The following WASHC3 variants were observed in gnomAD, a reference collection of about 807,000 sequenced individuals.
The protein encoded by WASHC3 is WASH complex subunit 3.
A neutral mutation model predicts 26.1 loss-of-function variants in WASHC3; 24 were observed. The observed-to-expected ratio is 0.92, with a 90% CI of 0.66 to 1.29. The LOEUF is 1.29. Ranked by LOEUF, WASHC3 falls within the 50% of genes most tolerant of loss-of-function variation. The pLI, the probability that WASHC3 is intolerant of heterozygous loss-of-function variation, is 0.00. For missense variants in WASHC3, 214 were observed against 229.6 expected (o/e 0.93, Z 0.44); for synonymous variants, 77 against 75.7 (o/e 1.02, Z -0.09).
intron 6 of WASHC3, among the ~76,000 whole-genome samples, chr12:102,020,194 C>A (rs1876892580): frequency 6.6e-6 from 1 of 152,168 alleles, no homozygotes; most frequent in South Asian, 2.1e-4. Context: ...AATATTAAAG[C>A]CTTGCTGGGG....
chr12:102,043,803 G>A (rs1878043402), intron 4 of WASHC3: 1 of 159,232 alleles, frequency 6.3e-6, no homozygotes, highest in South Asian at 2.0e-4. Flanking sequence ...TATTTTAAAA[G>A]TACATTTCTT....
intron 2 of WASHC3, chr12:102,050,327 A>C (rs1288787539): frequency 8.9e-6 from 4 of 450,630 alleles, no homozygotes; most frequent in Non-Finnish European, 1.8e-5. Flanking sequence ...TTGAATTAAA[A>C]TAACATTCTG....
At chr12:102,056,227 CT>C (rs1353419798) in intron 2 of WASHC3, among the ~76,000 whole-genome samples, 1 of 152,160 alleles carries the variant, frequency 6.6e-6, no homozygotes, top group African/African-American at 2.4e-5. Context: ...CCTAAGATAT[CT>C]GAGCATCTGT....
chr12:102,029,621 G>A (rs1185872657), intron 5 of WASHC3, among the ~76,000 whole-genome samples: 1 of 152,104 alleles, frequency 6.6e-6, no homozygotes, highest in African/African-American at 2.4e-5. Context: ...TAGATTAGAA[G>A]GGGGAAAAAC....
intron 2 of WASHC3, among the ~76,000 whole-genome samples, chr12:102,047,166 C>A (rs886608688): frequency 2.0e-5 from 3 of 152,100 alleles, no homozygotes; most frequent in Non-Finnish European, 4.4e-5. Flanking sequence ...TTGAAACCTC[C>A]TAATCTTAAA....
chr12:102,027,110 C>A (rs1032131771), intron 5 of WASHC3, among the ~76,000 whole-genome samples: 2 of 152,140 alleles, frequency 1.3e-5, no homozygotes, highest in Non-Finnish European at 2.9e-5. Flanking sequence ...GAAACATGTA[C>A]ACATTGAGGA....
intron 2 of WASHC3, among the ~76,000 whole-genome samples, chr12:102,046,936 G>T (rs556284639): frequency 6.6e-6 from 1 of 152,096 alleles, no homozygotes; most frequent in South Asian, 2.1e-4. Context: ...AAAAATAAAG[G>T]GGAATGGAAT....
At position 102,019,299 on chromosome 12, in the gene WASHC3, G is replaced by A. The variant is rs981383871; in HGVS notation, c.501-6107C>T. The A allele has an allele frequency of 3.0e-5, 9 of 300,306 alleles. No homozygotes were observed. The Admixed American group carries it at 3.7e-4, about 12-fold the overall frequency. 18.6% of individuals were successfully genotyped at this position (300,306 alleles called of 1,614,324 possible). The stretch of plus-strand genomic sequence containing the variant: ...CACAGCAATACCATCATTTCCAGGC[G>A]GGATATTCATATTTTCAAGGGGAAC... On this transcript the variant is annotated intron_variant, in intron 6 of 6. Coordinates refer to ENST00000240079, the MANE Select transcript of WASHC3 (RefSeq NM_016053.4).
chr12:102,019,558 A>T (rs1876862566), intron 6 of WASHC3, among the ~76,000 whole-genome samples: 1 of 152,200 alleles, frequency 6.6e-6, no homozygotes, highest in Non-Finnish European at 1.5e-5. Context: ...AAAAGATTAC[A>T]TCAACAAAAT....
intron 5 of WASHC3, among the ~76,000 whole-genome samples, chr12:102,035,006 G>A (rs1877594821): frequency 6.6e-6 from 1 of 151,998 alleles, no homozygotes; most frequent in African/African-American, 2.4e-5. Flanking sequence ...TTGAACATGA[G>A]ATAAAGAAAC....
At chr12:102,017,272 A>G (rs565605212) in intron 6 of WASHC3, among the ~76,000 whole-genome samples, 1 of 152,086 alleles carries the variant, frequency 6.6e-6, no homozygotes, top group Non-Finnish European at 1.5e-5. Context: ...AGTACACTCT[A>G]TGACGTTTGC....
At chr12:102,058,710 C>T (rs1878688035) in intron 2 of WASHC3, among the ~76,000 whole-genome samples, 1 of 151,976 alleles carries the variant, frequency 6.6e-6, no homozygotes, top group South Asian at 2.1e-4. Context: ...GGGTATATAT[C>T]CAAAGGATGT....
chr12:102,053,809 C>T (rs1011627512), intron 2 of WASHC3, among the ~76,000 whole-genome samples: 3 of 152,044 alleles, frequency 2.0e-5, no homozygotes, highest in South Asian at 4.2e-4. Context: ...TCAGAATATT[C>T]TAATACTGTC....
At position 102,055,178 on chromosome 12, in the gene WASHC3, G is replaced by A. The variant is rs550346667; in HGVS notation, c.150+6070C>T. On this transcript the variant is annotated intron_variant, in intron 2 of 6. Transcript: ENST00000240079. ...TTTAGCTAGATTAAGAAAAGGAGAAGATTCAAATAATATCAGAAACGAAAG... is the reference window on the plus strand; with the variant it reads ...TTTAGCTAGATTAAGAAAAGGAGAAAATTCAAATAATATCAGAAACGAAAG... 3.5e-4 allele frequency among the ~76,000 whole-genome samples: 53 copies of A among 152,220 alleles called. 1 individual carries two copies. The South Asian group carries it at 0.011, about 32-fold the overall frequency.
At position 102,050,487 on chromosome 12, in the gene WASHC3, C is replaced by G. The variant is rs1175592086; in HGVS notation, c.151-4368G>C. 1.9e-5 allele frequency: 8 copies of G among 426,694 alleles called. No individual in the cohort carries two copies. The Admixed American group carries it at 2.1e-4, about 11-fold the overall frequency. 26.4% of individuals were successfully genotyped at this position (426,694 alleles called of 1,614,324 possible). A position where few individuals can be genotyped will look rare whatever the true frequency, so the allele number is the denominator to read the frequency against. The stretch of plus-strand genomic sequence containing the variant: ...ACACACACACACACACACACACACA[C>G]ACACAATTAGCCGGGTGTGGTGACA... On this transcript the variant is annotated intron_variant, in intron 2 of 6. Transcript: ENST00000240079.
intron 5 of WASHC3, among the ~76,000 whole-genome samples, chr12:102,030,950 T>C (rs549616151): frequency 6.6e-6 from 1 of 152,218 alleles, no homozygotes; most frequent in South Asian, 2.1e-4. Flanking sequence ...ACAAGAAAAT[T>C]TAAAAATATG....
rs144915206 is a variant in WASHC3, at chr12:102,057,593, AC to A, written c.150+3654del. 2.1e-4 allele frequency among the ~76,000 whole-genome samples: 32 copies of A among 152,266 alleles called. 1 individual carries two copies. The East Asian group carries it at 6.2e-3, about 29-fold the overall frequency. ...AAGCTGCAGGATATAAAATCAACAT[AC>A]AAAAATCAGTAGCATTTCTATACAC... is the stretch of plus-strand genomic sequence containing the variant. On this transcript the variant is annotated intron_variant, in intron 2 of 6. Coordinates refer to ENST00000240079, the MANE Select transcript of WASHC3 (RefSeq NM_016053.4).
intron 5 of WASHC3, among the ~76,000 whole-genome samples, chr12:102,033,744 G>GT (rs998385599): frequency 1.1e-3 from 163 of 144,520 alleles, no homozygotes; most frequent in South Asian, 1.3e-3. Context: ...TTCAGAAAGA[G>GT]TTTTTTTTTT....
At position 102,061,329 on chromosome 12, in the gene WASHC3, C is replaced by T; in HGVS notation, c.69G>A (p.Gln23=). 1 of 1,613,082 alleles carries T rather than the reference C, an allele frequency of 6.2e-7. No homozygotes were observed. The highest frequency in any genetic ancestry group is 2.2e-5 in the East Asian group (1 of 44,882). ...IDLTKVPAIQ[Q]KRTVAFLNQF... ...GGTTTAGAAAAGCCACCGTTCTTTT[C>T]TGTTGAATAGCTGGCACCTGTGTTA... Residue 23 remains glutamine (Q), a synonymous_variant, in exon 2 of 7, where the codon CAG becomes CAA. Transcript: ENST00000240079.
Sources: gnomAD v4.1 joint callset for allele counts (sites outside exome capture counted in the v4.1 genomes callset) on GRCh38, gnomAD v4.1.1 for gene constraint, MANE v1.5 for transcripts, NCBI Gene and HGNC (gene_info 2026-07-23, HGNC 2026-07-21) for gene names.